Variants in ABL1 observed in about 807,000 individuals in gnomAD.
The protein encoded by ABL1 is ABL proto-oncogene 1, non-receptor tyrosine kinase.
ABL1 carries 11 observed loss-of-function variants against 94.7 expected under a neutral mutation model. That is an observed-to-expected ratio of 0.12 (90% CI 0.07 to 0.19). The LOEUF (loss-of-function observed/expected upper bound fraction) is 0.19, where lower values mean the gene tolerates loss of function less well. Among genes scored for constraint, ABL1 ranks in the 10% least tolerant of loss-of-function variants. The pLI, the probability that ABL1 is intolerant of heterozygous loss-of-function variation, is 1.00. For missense variants in ABL1, 1,082 were observed against 1,489.4 expected (o/e 0.73, Z 4.50); for synonymous variants, 656 against 622.4 (o/e 1.05, Z -0.80).
upstream of ABL1, among the ~76,000 whole-genome samples, chr9:130,834,662 TCA>T (rs1426728335): frequency 6.6e-6 from 1 of 152,198 alleles, no homozygotes; most frequent in African/African-American, 2.4e-5. Flanking sequence ...CACTCTGAAC[TCA>T]CACCCGTCTG....
At chr9:130,713,503 T>C (rs571971927) in exon 1 of ABL1, among the ~76,000 whole-genome samples, 44 of 152,028 alleles carry the variant, frequency 2.9e-4, no homozygotes, top group Non-Finnish European at 2.9e-5. Flanking sequence ...CCGCCCCTTA[T>C]TCCGGATCCC....
At chr9:130,760,718 A>C (rs1156317980) in intron 1 of ABL1, among the ~76,000 whole-genome samples, 2 of 149,434 alleles carry the variant, frequency 1.3e-5, no homozygotes, top group African/African-American at 5.0e-5. Context: ...GCTGGAGTGC[A>C]GTGGCGCGAT....
intron 1 of ABL1, among the ~76,000 whole-genome samples, chr9:130,731,621 G>T (rs895062374): frequency 6.6e-6 from 1 of 152,194 alleles, no homozygotes; most frequent in South Asian, 2.1e-4. Context: ...CTGTTAATTT[G>T]TTTGTCTTTC....
At chr9:130,837,307 T>C (rs1029258969) in intron 1 of ABL1, among the ~76,000 whole-genome samples, 1 of 152,200 alleles carries the variant, frequency 6.6e-6, no homozygotes, top group African/African-American at 2.4e-5. Context: ...ATCGAGTTAG[T>C]GTTAGGCATC....
rs576310850 is a variant in ABL1 at position 130,767,116 on chromosome 9, C to T, written c.136+52661C>T. ...CCCATGCAGGCCCCAGCTCACATGA[C>T]ATCTTTTCGGAAAGACCTTCCCTGA... On this transcript the variant is annotated intron_variant, in intron 1 of 10. Coordinates refer to the ABL1 transcript ENST00000372348. Among the ~76,000 whole-genome samples, 6 of 152,076 alleles carry T rather than the reference C, an allele frequency of 3.9e-5. No homozygotes were observed. The South Asian group carries it at 1.2e-3, about 31-fold the overall frequency.
At chr9:130,779,718 C>T (rs1829731477) in intron 1 of ABL1, among the ~76,000 whole-genome samples, 1 of 152,058 alleles carries the variant, frequency 6.6e-6, no homozygotes, top group African/African-American at 2.4e-5. Flanking sequence ...ATATAAGTAA[C>T]GTGTTATGTG....
At chr9:130,820,401 C>T (rs965660084) in intron 1 of ABL1, among the ~76,000 whole-genome samples, 1 of 152,188 alleles carries the variant, frequency 6.6e-6, no homozygotes, top group Admixed American at 6.5e-5. Flanking sequence ...TGTTTCTGTG[C>T]CTCACTGTCT....
intron 1 of ABL1, among the ~76,000 whole-genome samples, chr9:130,774,390 G>C (rs1190243382): frequency 6.6e-6 from 1 of 152,138 alleles, no homozygotes; most frequent in Non-Finnish European, 1.5e-5. Context: ...CTGCTGTTTG[G>C]GGAACTGGAG....
chr9:130,720,088 C>T (rs1222061542), intron 1 of ABL1, among the ~76,000 whole-genome samples: 1 of 152,204 alleles, frequency 6.6e-6, no homozygotes, highest in Admixed American at 6.5e-5. Flanking sequence ...CTTCCTTCAA[C>T]AAACATTTAT....
In ABL1 at chr9:130,885,783, A is replaced by G. The variant is rs1831571009; in HGVS notation, c.*100A>G. The G allele has an allele frequency of 1.4e-6, 2 of 1,443,142 alleles. No individual in the cohort carries two copies. Among genetic ancestry groups the G allele is most frequent in the Non-Finnish European group, 1.8e-6 (2 of 1,084,944 alleles). 89.4% of individuals were successfully genotyped at this position (1,443,142 alleles called of 1,614,324 possible). A position where few individuals can be genotyped will look rare whatever the true frequency, so the allele number is the denominator to read the frequency against. ...GTGGCTGACAAGGGACTAGTGAGTC[A>G]GCACCTTGGCCCAGGAGCTCTGCGC... On this transcript the variant is annotated 3_prime_UTR_variant, in exon 11 of 11. Transcript: ENST00000318560.
In ABL1 at chr9:130,874,861, T is replaced by TTA. The variant is rs756679801; in HGVS notation, c.1086-6_1086-5insAT. The stretch of plus-strand genomic sequence containing the variant: ...AGCTCTCATGGGTGAACATTTTCCT[T>TTA]TCTTAGAGATCTTGCTGCCCGAAAC... On this transcript the variant is annotated splice_region_variant and splice_polypyrimidine_tract_variant and intron_variant, in intron 6 of 10. Coordinates refer to ENST00000318560, the MANE Select transcript of ABL1 (RefSeq NM_005157.6). The TTA allele has an allele frequency of 3.8e-5, 61 of 1,613,938 alleles. No individual in the cohort carries two copies. Among genetic ancestry groups the TTA allele is most frequent in the Non-Finnish European group, 5.1e-5 (60 of 1,179,936 alleles).
At position 130,735,944 on chromosome 9, in the gene ABL1, TATATATATATATA is replaced by T. The variant is rs1288482520; in HGVS notation, c.136+21490_136+21502del. 3.8e-5 allele frequency among the ~76,000 whole-genome samples: 3 copies of T among 78,562 alleles called. No individual in the cohort carries two copies. In the Admixed American group the frequency reaches 4.1e-4, roughly 11 times the overall value. The allele number at this position is 78,562 out of a possible 152,430, so 51.5% of individuals were successfully genotyped here. ...GTATGCATGTGTGTGCATATATATA[TATATATATATATA>T]TATATTTTTTTTTTTTAAGACAGGG... On this transcript the variant is annotated intron_variant, in intron 1 of 10. Coordinates refer to the ABL1 transcript ENST00000372348.
At chr9:130,797,776 C>G (rs1384643560) in intron 1 of ABL1, among the ~76,000 whole-genome samples, 1 of 152,114 alleles carries the variant, frequency 6.6e-6, no homozygotes, top group Non-Finnish European at 1.5e-5. Flanking sequence ...ACAGTTATTC[C>G]AAACACGTTC....
At chr9:130,742,900 A>AT (rs1288455902) in intron 1 of ABL1, among the ~76,000 whole-genome samples, 2 of 152,166 alleles carry the variant, frequency 1.3e-5, no homozygotes, top group Non-Finnish European at 2.9e-5. Flanking sequence ...ATGAAGATGA[A>AT]ATAAATTGCA....
chr9:130,834,986 G>A (rs575774320), upstream of ABL1: 4 of 450,298 alleles, frequency 8.9e-6, no homozygotes, highest in Non-Finnish European at 1.8e-5. Context: ...TTCTAAAGTG[G>A]AGTGGAGCAG....
At chr9:130,749,244 AC>A (rs1003622275) in intron 1 of ABL1, among the ~76,000 whole-genome samples, 1 of 152,200 alleles carries the variant, frequency 6.6e-6, no homozygotes, top group African/African-American at 2.4e-5. Flanking sequence ...AATGCTGGTG[AC>A]CAGTATTTGA....
At chr9:130,807,631 G>A (rs1389807635) in intron 1 of ABL1, among the ~76,000 whole-genome samples, 7 of 142,840 alleles carry the variant, frequency 4.9e-5, no homozygotes, top group Non-Finnish European at 1.1e-4. Flanking sequence ...AGTTGTAAAG[G>A]ATGTATTTTC....
At chr9:130,859,496 G>T (rs1462541939) in intron 3 of ABL1, among the ~76,000 whole-genome samples, 1 of 151,706 alleles carries the variant, frequency 6.6e-6, no homozygotes, top group African/African-American at 2.4e-5. Flanking sequence ...TGCGAGGCTT[G>T]CCTTCCTGCT....
rs1014554865 is a variant in ABL1 at position 130,885,870 on chromosome 9, T to G, written c.*187T>G. On this transcript the variant is annotated 3_prime_UTR_variant, in exon 11 of 11. Coordinates refer to ENST00000318560, the MANE Select transcript of ABL1 (RefSeq NM_005157.6). ...CTACCTACGTTTGCACCGCCTGCCC[T>G]CCCGCACCTTCCTCCTCCCCGCTCC... is the stretch of plus-strand genomic sequence containing the variant. The G allele has an allele frequency of 5.8e-5, 40 of 694,594 alleles. No individual in the cohort carries two copies. The highest frequency in any genetic ancestry group is 8.4e-5 in the Non-Finnish European group (36 of 430,718). 43.0% of individuals were successfully genotyped at this position (694,594 alleles called of 1,614,324 possible).
Sources: allele counts gnomAD v4.1 joint callset (sites outside exome capture counted in the v4.1 genomes callset), GRCh38; gene constraint gnomAD v4.1.1; transcripts MANE v1.5; gene names NCBI Gene and HGNC (gene_info 2026-07-23, HGNC 2026-07-21).